Variants in CEP112 observed in about 807,000 individuals in gnomAD.
CEP112 encodes centrosomal protein of 112 kDa.
In CEP112, 127 loss-of-function variants were observed where a neutral mutation model predicts 153.0. The observed-to-expected ratio is 0.83, with a 90% confidence interval of 0.72 to 0.96. The LOEUF (loss-of-function observed/expected upper bound fraction) is 0.96, where lower values mean the gene tolerates loss of function less well. Ranked by LOEUF, CEP112 falls within the 40% of genes least tolerant of loss-of-function variation. CEP112 has a pLI of 0.00. For missense variants in CEP112, 1,089 were observed against 1,101.2 expected (o/e 0.99, Z 0.16); for synonymous variants, 358 against 374.4 (o/e 0.96, Z 0.51).
intron 21 of CEP112, among the ~76,000 whole-genome samples, chr17:65,798,306 G>A (rs2055055903): frequency 6.6e-6 from 1 of 152,136 alleles, no homozygotes; most frequent in Non-Finnish European, 1.5e-5. Context: ...CTTCTCATAT[G>A]TATCTGAGTG....
chr17:65,848,601 G>A (rs2057810143), intron 21 of CEP112, among the ~76,000 whole-genome samples: 2 of 151,890 alleles, frequency 1.3e-5, no homozygotes, highest in Admixed American at 6.6e-5. Context: ...CACTCTCAAG[G>A]CCACTGGCCA....
At chr17:65,801,249 G>A (rs2055255936) in intron 21 of CEP112, among the ~76,000 whole-genome samples, 1 of 152,060 alleles carries the variant, frequency 6.6e-6, no homozygotes, top group Admixed American at 6.6e-5. Context: ...TGTAGAGACG[G>A]GGTTTCACCA....
intron 19 of CEP112, among the ~76,000 whole-genome samples, chr17:65,906,093 AATG>A (rs2060068057): frequency 6.6e-6 from 1 of 152,202 alleles, no homozygotes; most frequent in Admixed American, 6.5e-5. Context: ...AGCCATAAAA[AATG>A]ATGAGTTCAT....
intron 16 of CEP112, among the ~76,000 whole-genome samples, chr17:66,010,317 G>GA (rs2064463691): frequency 6.6e-6 from 1 of 152,132 alleles, no homozygotes; most frequent in Non-Finnish European, 1.5e-5. Context: ...TTTGTATCCT[G>GA]AAAAAATATA....
At chr17:65,774,488 A>G (rs1432407078) in intron 21 of CEP112, among the ~76,000 whole-genome samples, 1 of 152,168 alleles carries the variant, frequency 6.6e-6, no homozygotes, top group African/African-American at 2.4e-5. Flanking sequence ...GCTGGCCAAC[A>G]AGACTGCAGG....
At chr17:66,018,885 T>C (rs1487640371) in intron 16 of CEP112, among the ~76,000 whole-genome samples, 1 of 152,226 alleles carries the variant, frequency 6.6e-6, no homozygotes, top group Non-Finnish European at 1.5e-5. Flanking sequence ...AGCACCATCT[T>C]TTACTCTCTG....
intron 22 of CEP112, among the ~76,000 whole-genome samples, chr17:65,747,011 G>A (rs1282628789): frequency 6.6e-6 from 1 of 151,328 alleles, no homozygotes; most frequent in Non-Finnish European, 1.5e-5. Context: ...AGTCATAATA[G>A]TTAATAATAA....
rs775413916 is a variant in CEP112 at position 65,902,353 on chromosome 17, G to A, written c.1981-19C>T. 1 of 1,599,070 alleles carries A rather than the reference G, an allele frequency of 6.3e-7. No homozygotes were observed. Among genetic ancestry groups the A allele is most frequent in the Admixed American group, 1.7e-5 (1 of 57,906 alleles). ...CTACTATCTGATTGGACAATGAGGA[G>A]GACAGTTCATCAACAGAACATCCTT... On this transcript the variant is annotated intron_variant, in intron 19 of 26. Transcript: ENST00000535342.
At chr17:65,957,295 T>C (rs1223602257) in intron 18 of CEP112, among the ~76,000 whole-genome samples, 2 of 152,198 alleles carry the variant, frequency 1.3e-5, no homozygotes, top group Non-Finnish European at 2.9e-5. Context: ...TATAATTTGT[T>C]AGTTACACCC....
chr17:65,976,296 T>C (rs556064174), intron 17 of CEP112, among the ~76,000 whole-genome samples: 2 of 152,378 alleles, frequency 1.3e-5, no homozygotes, highest in South Asian at 4.1e-4. Flanking sequence ...TATAGGATTC[T>C]TCTATCTTCC....
At chr17:66,109,249 T>C (rs1388156487) in intron 6 of CEP112, among the ~76,000 whole-genome samples, 1 of 152,148 alleles carries the variant, frequency 6.6e-6, no homozygotes, top group Non-Finnish European at 1.5e-5. Flanking sequence ...TGAACATTTT[T>C]AAATAACTAT....
intron 9 of CEP112, 50 bp from the exon 10 acceptor site, chr17:66,066,927 G>A: frequency 8.5e-7 from 1 of 1,169,674 alleles, no homozygotes; most frequent in Non-Finnish European, 1.1e-6. Context: ...TTTACATATA[G>A]GACACTTTTT....
intron 8 of CEP112, among the ~76,000 whole-genome samples, chr17:66,079,477 T>C (rs140145044): frequency 6.6e-6 from 1 of 151,904 alleles, no homozygotes; most frequent in Non-Finnish European, 1.5e-5. Context: ...AAGCAAGACA[T>C]AAAAGAATAT....
intron 18 of CEP112, among the ~76,000 whole-genome samples, chr17:65,934,078 A>G (rs2061222445): frequency 6.6e-6 from 1 of 152,054 alleles, no homozygotes; most frequent in African/African-American, 2.4e-5. Flanking sequence ...AGTCCCCGCT[A>G]CTCGGGAGGC....
At chr17:65,966,081 G>A (rs957119432) in intron 17 of CEP112, among the ~76,000 whole-genome samples, 28 of 151,984 alleles carry the variant, frequency 1.8e-4, no homozygotes, top group African/African-American at 5.8e-4. Flanking sequence ...AAGTAGAAAC[G>A]CATCACTCAA....
At position 66,132,678 on chromosome 17, in the gene CEP112, T is replaced by G; in HGVS notation, c.556A>C (p.Lys186Gln). The G allele has an allele frequency of 6.2e-7, 1 of 1,609,514 alleles. No homozygotes were observed. The highest frequency in any genetic ancestry group is 8.5e-7 in the Non-Finnish European group (1 of 1,175,864). The change falls in exon 5 of 27, where the codon AAG becomes CAG. Residue 186 changes from lysine (K) to glutamine (Q), a missense_variant. Transcript: ENST00000535342. ...HREDGQNITPKICEVYSKKSP... is the reference protein window; with the variant it reads ...HREDGQNITPQICEVYSKKSP... The stretch of plus-strand genomic sequence containing the variant: ...GTAAAATCTAATCTTACACAAATCT[T>G]TGGGGTAATATTTTGTCCATCTTCT...
intron 4 of CEP112, among the ~76,000 whole-genome samples, chr17:66,162,089 C>T (rs1405867023): frequency 6.6e-6 from 1 of 151,994 alleles, no homozygotes; most frequent in African/African-American, 2.4e-5. Context: ...ATATTCAACA[C>T]AGAATTAGTA....
chr17:66,087,546 C>A (rs1394041125), intron 8 of CEP112, among the ~76,000 whole-genome samples: 1 of 152,010 alleles, frequency 6.6e-6, no homozygotes, highest in African/African-American at 2.4e-5. Flanking sequence ...CAGGATTATA[C>A]AAGAAAGAAA....
rs188957543 is a variant in CEP112 at position 65,903,689 on chromosome 17, A to T, written c.1981-1355T>A. ...AGAAAATTTCAGGCCATTTTCCCTG[A>T]TGAACATCGATGCAAAAATTCTCAA... On this transcript the variant is annotated intron_variant, in intron 19 of 26. Coordinates refer to ENST00000535342, the MANE Select transcript of CEP112 (RefSeq NM_001199165.4). Among the ~76,000 whole-genome samples, 527 of 152,300 alleles carry T rather than the reference A, an allele frequency of 3.5e-3. 2 individuals carry two copies. Among genetic ancestry groups the T allele is most frequent in the African/African-American group, 0.012 (486 of 41,570 alleles).
Sources: gnomAD v4.1 joint callset for allele counts (sites outside exome capture counted in the v4.1 genomes callset) on GRCh38, gnomAD v4.1.1 for gene constraint, MANE v1.5 for transcripts, NCBI Gene and HGNC (gene_info 2026-07-23, HGNC 2026-07-21) for gene names.